Variants in MON2 observed in about 807,000 individuals in gnomAD.
MON2 encodes the protein MON2 regulator of endosome-to-Golgi trafficking.
Under a neutral mutation model 208.6 loss-of-function variants are expected in MON2, and 84 were observed. The ratio of observed to expected loss-of-function variants is 0.40; its 90% CI spans 0.34 to 0.48. The LOEUF (loss-of-function observed/expected upper bound fraction) is 0.48. MON2 is among the 20% of genes least tolerant of loss of function. The probability of loss-of-function intolerance (pLI) is 0.59; values close to 1 mark genes in which losing one functional copy is unlikely to be tolerated. For synonymous variants in MON2, 660 were observed against 694.0 expected (o/e 0.95, Z 0.77); for missense variants, 1,611 against 2,015.4 (o/e 0.80, Z 3.84).
intron 12 of MON2, among the ~76,000 whole-genome samples, chr12:62,534,449 G>A (rs1207971894): frequency 7.0e-6 from 1 of 143,068 alleles, no homozygotes; most frequent in Non-Finnish European, 1.5e-5. Flanking sequence ...AACCCAGGAG[G>A]CGAAGGTTGC....
At chr12:62,478,107 C>T (rs1161253712) in intron 1 of MON2, among the ~76,000 whole-genome samples, 2 of 149,528 alleles carry the variant, frequency 1.3e-5, no homozygotes, top group Non-Finnish European at 3.0e-5. Flanking sequence ...AGAATTGGCA[C>T]TTGTAGATAT....
intron 8 of MON2, among the ~76,000 whole-genome samples, chr12:62,515,074 A>G (rs1227517865): frequency 2.6e-5 from 4 of 152,236 alleles, no homozygotes; most frequent in African/African-American, 9.6e-5. Flanking sequence ...GGAAAGCAGT[A>G]TGGAGGTTCC....
intron 32 of MON2, among the ~76,000 whole-genome samples, chr12:62,583,962 AAAAAAAAAAAAAC>A (rs920694370): frequency 3.0e-4 from 44 of 147,008 alleles, no homozygotes; most frequent in East Asian, 7.9e-4. Context: ...CCCTGTCTCA[AAAAAAAAAAAAAC>A]AAAAAAAAAA....
rs2075441173 is a variant in MON2 at position 62,592,883 on chromosome 12, T to TA, written c.*135dup. ...TTGTTGGCCTCCTTTAAATTCTACTTACCTGAGTTCAGTAATTCATATTAC... is the reference window on the plus strand; with the variant it reads ...TTGTTGGCCTCCTTTAAATTCTACTTAACCTGAGTTCAGTAATTCATATTAC... On this transcript the variant is annotated 3_prime_UTR_variant, in exon 35 of 35. Transcript: ENST00000393630. 1 of 844,592 alleles carries TA rather than the reference T, an allele frequency of 1.2e-6. No individual in the cohort carries two copies. The highest frequency in any genetic ancestry group is 1.8e-6 in the Non-Finnish European group (1 of 567,646). 52.3% of individuals were successfully genotyped at this position (844,592 alleles called of 1,614,324 possible).
At position 62,467,260 on chromosome 12, in the gene MON2, A is replaced by G; in HGVS notation, c.53A>G (p.Gln18Arg). Residue 18 changes from glutamine to arginine, a missense_variant, in exon 1 of 35, where the codon CAG (glutamine) becomes CGG (arginine). Coordinates refer to ENST00000393630, the MANE Select transcript of MON2 (RefSeq NM_015026.3). ...GTGAAGAAGCTGCTGGAGAATATGCAGAGCGACTTGCGCGCCTTGTCACTG... is the reference window on the plus strand; with the variant it reads ...GTGAAGAAGCTGCTGGAGAATATGCGGAGCGACTTGCGCGCCTTGTCACTG... Reference protein sequence around the residue: ...EAVKKLLENMQSDLRALSLEC... With the variant: ...EAVKKLLENMRSDLRALSLEC... 1.2e-6 allele frequency: 2 copies of G among 1,614,100 alleles called. No homozygotes were observed. Among genetic ancestry groups the G allele is most frequent in the South Asian group, 1.1e-5 (1 of 91,082 alleles).
In MON2 at chr12:62,525,962, A is replaced by G; in HGVS notation, c.1260A>G (p.Leu420=). ...CTTCTCTAACAGGAAACAATAATTT[A>G]GGTGGCTCAGTCTCAGCACCAGCTA... The part of the protein sequence containing the change: ...ATSNQAGNNN[L]GGSVSAPANS... The change falls in exon 11 of 35, where the codon TTA becomes TTG. Residue 420 remains leucine (L), a synonymous_variant. Coordinates refer to ENST00000393630, the MANE Select transcript of MON2 (RefSeq NM_015026.3). 1.2e-6 allele frequency: 2 copies of G among 1,612,940 alleles called. No homozygotes were observed. The highest frequency in any genetic ancestry group is 8.5e-7 in the Non-Finnish European group (1 of 1,179,566).
chr12:62,517,121 C>G (rs1469590617), intron 8 of MON2, among the ~76,000 whole-genome samples: 3 of 152,124 alleles, frequency 2.0e-5, no homozygotes, highest in African/African-American at 7.2e-5. Context: ...CACTTCCTCA[C>G]TTGTTCCCTA....
intron 19 of MON2, among the ~76,000 whole-genome samples, chr12:62,541,907 G>A (rs954406965): frequency 1.5e-4 from 23 of 152,098 alleles, no homozygotes; most frequent in Admixed American, 5.9e-4. Flanking sequence ...CATTGTGGGA[G>A]AACTTATATG....
In MON2 at chr12:62,469,164, C is replaced by G. The variant is rs955205937; in HGVS notation, c.111+1846C>G. On this transcript the variant is annotated intron_variant, in intron 1 of 34. Transcript: ENST00000393630. ...GACGGGGTTTTGGCAGGCTGGTCTC[C>G]TGAACTGGGTTCAAGCGATCTGCCC... 2.0e-5 allele frequency among the ~76,000 whole-genome samples: 3 copies of G among 146,662 alleles called. No individual in the cohort carries two copies. In the Admixed American group the frequency reaches 2.1e-4, roughly 10 times the overall value.
chr12:62,538,631 G>C, intron 19 of MON2, 126 bp downstream of exon 19: 1 of 670,344 alleles, frequency 1.5e-6, no homozygotes. Context: ...TACTCTGTTG[G>C]GTTTTTACCA....
At chr12:62,538,224 A>AT (rs2073074307) in intron 17 of MON2, 28 bp from the exon 18 acceptor site, 1 of 1,609,904 alleles carries the variant, frequency 6.2e-7, no homozygotes, top group Admixed American at 1.7e-5. Context: ...AAAGTGTCAT[A>AT]TATTACATTT....
At chr12:62,566,586 C>A (rs1592417313) in intron 29 of MON2, 136 bp downstream of exon 29, 2 of 937,976 alleles carry the variant, frequency 2.1e-6, no homozygotes, top group Non-Finnish European at 3.0e-6. Flanking sequence ...GACTTTTCTC[C>A]AATATTCATG....
chr12:62,597,229 CTTTTATG>C lies in MON2; in HGVS notation c.*4485_*4491del, dbSNP rs2075545078. On this transcript the variant is annotated 3_prime_UTR_variant, in exon 35 of 35. Transcript: ENST00000393630. ...ATCACTTTCTTCCCTCCCCTTCTCT[CTTTTATG>C]TTTTTATCCTTGTTAAATTTTATGT... 1 of 152,076 alleles carries C rather than the reference CTTTTATG, an allele frequency of 6.6e-6. No individual in the cohort carries two copies. Among genetic ancestry groups the C allele is most frequent in the South Asian group, 2.1e-4 (1 of 4,816 alleles). The allele number at this position is 152,076 out of a possible 1,614,324, so 9.4% of individuals were successfully genotyped here.
chr12:62,504,594 G>A (rs1041923297), intron 7 of MON2, among the ~76,000 whole-genome samples: 5 of 152,080 alleles, frequency 3.3e-5, no homozygotes, highest in African/African-American at 1.2e-4. Flanking sequence ...TATTCTTCCT[G>A]CTGTAAAGCA....
chr12:62,539,729 T>C (rs2073149256), intron 19 of MON2, among the ~76,000 whole-genome samples: 1 of 152,040 alleles, frequency 6.6e-6, no homozygotes, highest in South Asian at 2.1e-4. Context: ...TGAAAGTATG[T>C]ATTATGGCTG....
At chr12:62,562,336 A>G (rs2074230413) in intron 26 of MON2, among the ~76,000 whole-genome samples, 1 of 151,518 alleles carries the variant, frequency 6.6e-6, no homozygotes, top group Admixed American at 6.6e-5. Context: ...TGTAAGTTTT[A>G]TTTTTAAAAA....
At chr12:62,479,130 A>T (rs756719860) in intron 1 of MON2, among the ~76,000 whole-genome samples, 1 of 152,174 alleles carries the variant, frequency 6.6e-6, no homozygotes. Flanking sequence ...TTTCTGTAGT[A>T]TAGGAGACAG....
rs2075502845 is a variant in MON2 at position 62,595,230 on chromosome 12, T to C, written c.*2481T>C. 6.6e-6 allele frequency: 1 copy of C among 151,962 alleles called. No individual in the cohort carries two copies. The highest frequency in any genetic ancestry group is 1.5e-5 in the Non-Finnish European group (1 of 68,002). 9.4% of individuals were successfully genotyped at this position (151,962 alleles called of 1,614,324 possible). On this transcript the variant is annotated 3_prime_UTR_variant, in exon 35 of 35. Coordinates refer to ENST00000393630, the MANE Select transcript of MON2 (RefSeq NM_015026.3). ...CACGATCTTGGCTCACTGCAACCTCTGCTTCCCGGGTTCAAGCAGTTTCCT... is the reference window on the plus strand; with the variant it reads ...CACGATCTTGGCTCACTGCAACCTCCGCTTCCCGGGTTCAAGCAGTTTCCT...
chr12:62,588,030 A>G (rs375613747), intron 33 of MON2, 44 bp from the exon 34 acceptor site: 9 of 1,318,676 alleles, frequency 6.8e-6, no homozygotes, highest in Non-Finnish European at 9.7e-6. Context: ...CATACCTGGC[A>G]ACTTTAAAAT....
Sources: gnomAD v4.1 joint callset for allele counts (sites outside exome capture counted in the v4.1 genomes callset) on GRCh38, gnomAD v4.1.1 for gene constraint, MANE v1.5 for transcripts, NCBI Gene and HGNC (gene_info 2026-07-23, HGNC 2026-07-21) for gene names.